SDK1: variants seen among roughly 807,000 people sequenced by gnomAD.
The protein encoded by SDK1 is protein sidekick-1.
A neutral mutation model predicts 245.5 loss-of-function variants in SDK1; 157 were observed. The ratio of observed to expected loss-of-function variants is 0.64; its 90% CI spans 0.56 to 0.73. The LOEUF (loss-of-function observed/expected upper bound fraction) is 0.73, where lower values mean the gene tolerates loss of function less well. Ranked by LOEUF, SDK1 falls within the 30% of genes least tolerant of loss-of-function variation. SDK1 has a pLI of 0.00. For missense variants in SDK1, 3,583 were observed against 3,002.3 expected (o/e 1.19, Z -4.52); for synonymous variants, 1,647 against 1,278.5 (o/e 1.29, Z -6.15).
chr7:3,815,735 C>T (rs1364270387), intron 4 of SDK1, among the ~76,000 whole-genome samples: 1 of 151,702 alleles, frequency 6.6e-6, no homozygotes, highest in Non-Finnish European at 1.5e-5. Flanking sequence ...CAGCTGTGCA[C>T]CAAGCGGACC....
At chr7:4,197,336 C>G (rs1446213612) in intron 35 of SDK1, among the ~76,000 whole-genome samples, 2 of 150,570 alleles carry the variant, frequency 1.3e-5, no homozygotes, top group African/African-American at 4.9e-5. Context: ...AAGAAAGAAA[C>G]AATTAGATGG....
intron 1 of SDK1, among the ~76,000 whole-genome samples, chr7:3,320,320 A>G (rs1389915370): frequency 2.0e-5 from 3 of 151,790 alleles, no homozygotes; most frequent in Non-Finnish European, 4.4e-5. Flanking sequence ...CATATTATAC[A>G]TACTTTGAAC....
intron 1 of SDK1, among the ~76,000 whole-genome samples, chr7:3,602,361 A>G (rs1309860050): frequency 1.3e-5 from 2 of 151,046 alleles, no homozygotes; most frequent in Admixed American, 1.3e-4. Context: ...CTTTTTAATG[A>G]TTGCTATTCT....
chr7:3,616,180 C>G (rs185405946), intron 1 of SDK1, among the ~76,000 whole-genome samples: 4 of 152,334 alleles, frequency 2.6e-5, no homozygotes, highest in African/African-American at 9.6e-5. Flanking sequence ...GCCACCACAA[C>G]TGGCTGTCCT....
intron 1 of SDK1, among the ~76,000 whole-genome samples, chr7:3,399,267 TATC>T (rs965450595): frequency 6.6e-6 from 1 of 152,144 alleles, no homozygotes; most frequent in Non-Finnish European, 1.5e-5. Context: ...TCCTTTCAGT[TATC>T]ATACCTTTCA....
At chr7:4,240,530 G>A (rs922471917) in intron 42 of SDK1, among the ~76,000 whole-genome samples, 7 of 151,998 alleles carry the variant, frequency 4.6e-5, no homozygotes, top group Admixed American at 1.3e-4. Context: ...GTGTTCTTCC[G>A]TTAAACACAG....
chr7:4,170,394 C>T (rs1781762675), intron 32 of SDK1, among the ~76,000 whole-genome samples: 1 of 152,100 alleles, frequency 6.6e-6, no homozygotes, highest in Non-Finnish European at 1.5e-5. Context: ...CTGCAGTGAG[C>T]TCTGATCGCA....
chr7:4,224,045 G>A lies in SDK1; in HGVS notation c.5827+2681G>A, dbSNP rs116404351. 5.6e-3 allele frequency among the ~76,000 whole-genome samples: 858 copies of A among 152,246 alleles called. 1 individual carries two copies. Among genetic ancestry groups the A allele is most frequent in the Non-Finnish European group, 8.8e-3 (601 of 68,028 alleles). Reference sequence around the variant, plus strand: ...CTTCATACGTCTTCCAAGGAACCACGTCGCTAAACAAGTTAGTGCAAAGAA... The same window carrying A: ...CTTCATACGTCTTCCAAGGAACCACATCGCTAAACAAGTTAGTGCAAAGAA... On this transcript the variant is annotated intron_variant, in intron 40 of 44. Transcript: ENST00000404826.
At chr7:3,822,352 T>A (rs1482248819) in intron 5 of SDK1, among the ~76,000 whole-genome samples, 1 of 152,216 alleles carries the variant, frequency 6.6e-6, no homozygotes, top group Non-Finnish European at 1.5e-5. Flanking sequence ...TCATGGCGGA[T>A]GGTAAATTTC....
intron 1 of SDK1, among the ~76,000 whole-genome samples, chr7:3,505,742 T>C (rs1014424126): frequency 6.6e-6 from 1 of 152,084 alleles, no homozygotes; most frequent in African/African-American, 2.4e-5. Context: ...AATACAGTAT[T>C]CCTGGGATGC....
chr7:4,197,102 C>T (rs1783625250), intron 35 of SDK1, among the ~76,000 whole-genome samples: 2 of 152,172 alleles, frequency 1.3e-5, no homozygotes, highest in Non-Finnish European at 2.9e-5. Context: ...TCCTCTCCCA[C>T]CTGGGGTTAG....
intron 40 of SDK1, among the ~76,000 whole-genome samples, chr7:4,223,673 A>G (rs942711403): frequency 4.6e-5 from 7 of 152,156 alleles, no homozygotes. Context: ...CATCCTAACT[A>G]ATTACATCTG....
Position 4,233,134 on chromosome 7 carries a change from C to T in SDK1, c.5828-121C>T, listed in dbSNP as rs1040019041. 24 of 856,912 alleles carry T rather than the reference C, an allele frequency of 2.8e-5. No homozygotes were observed. In the African/African-American group the frequency reaches 3.8e-4, roughly 14 times the overall value. The allele number at this position is 856,912 out of a possible 1,614,324, so 53.1% of individuals were successfully genotyped here. ...CCCCATTCAGCACTCACTCCGCATC[C>T]AGTGCCCCTGATGCCTCATCCAGGG... On this transcript the variant is annotated intron_variant, in intron 40 of 44. Transcript: ENST00000404826.
chr7:4,129,525 T>C lies in SDK1; in HGVS notation c.3940-383T>C, dbSNP rs570833308. Reference sequence around the variant, plus strand: ...TTCTGGGGCAGGAAACCAGCTTCCATGGCTGGAAAACCCAGGGGGCTGCTG... The same window carrying C: ...TTCTGGGGCAGGAAACCAGCTTCCACGGCTGGAAAACCCAGGGGGCTGCTG... On this transcript the variant is annotated intron_variant, in intron 26 of 44. Transcript: ENST00000404826. Among the ~76,000 whole-genome samples the C allele has an allele frequency of 2.0e-5, 3 of 152,230 alleles. No homozygotes were observed. The South Asian group carries it at 6.2e-4, about 32-fold the overall frequency.
chr7:3,846,066 C>T (rs1286527754), intron 5 of SDK1, among the ~76,000 whole-genome samples: 4 of 152,270 alleles, frequency 2.6e-5, no homozygotes, highest in Non-Finnish European at 5.9e-5. Flanking sequence ...GAGTAACTTG[C>T]ACATACCAGA....
At chr7:3,420,696 T>C (rs958874556) in intron 1 of SDK1, among the ~76,000 whole-genome samples, 45 of 152,252 alleles carry the variant, frequency 3.0e-4, no homozygotes, top group African/African-American at 1.0e-3. Flanking sequence ...TTATATTCTT[T>C]TTTAACATAA....
intron 20 of SDK1, among the ~76,000 whole-genome samples, chr7:4,075,387 C>T (rs1024449139): frequency 2.6e-5 from 4 of 152,216 alleles, no homozygotes; most frequent in African/African-American, 9.7e-5. Context: ...TCTTGTTTAC[C>T]TGCAAGTGCA....
At chr7:4,002,462 A>C (rs568929913) in intron 14 of SDK1, among the ~76,000 whole-genome samples, 1 of 152,328 alleles carries the variant, frequency 6.6e-6, no homozygotes, top group East Asian at 1.9e-4. Context: ...TGAGCTGAAC[A>C]CTAAGATACA....
chr7:3,662,833 T>C (rs1260754789), intron 4 of SDK1, among the ~76,000 whole-genome samples: 1 of 152,186 alleles, frequency 6.6e-6, no homozygotes. Flanking sequence ...CATTGAAGCA[T>C]TTTGGATTCG....
Sources: gnomAD v4.1 joint callset for allele counts (sites outside exome capture counted in the v4.1 genomes callset) on GRCh38, gnomAD v4.1.1 for gene constraint, MANE v1.5 for transcripts, NCBI Gene and HGNC (gene_info 2026-07-23, HGNC 2026-07-21) for gene names.